Variants in CDH13 observed in about 807,000 individuals in gnomAD.
The protein encoded by CDH13 is cadherin 13.
In CDH13, 24 loss-of-function variants were observed where a neutral mutation model predicts 63.8. That is an observed-to-expected ratio of 0.38 (90% CI 0.27 to 0.53). The LOEUF (loss-of-function observed/expected upper bound fraction) is 0.53, where lower values mean the gene tolerates loss of function less well. CDH13 is among the 20% of genes least tolerant of loss of function. The pLI is 0.85. For missense variants in CDH13, 1,049 were observed against 903.1 expected, an observed-to-expected ratio of 1.16 and a Z score of -2.07; for synonymous variants, 503 against 355.3, an observed-to-expected ratio of 1.42 and a Z score of -4.67.
At chr16:82,665,931 A>G (rs745600342) in intron 1 of CDH13, among the ~76,000 whole-genome samples, 3 of 152,162 alleles carry the variant, frequency 2.0e-5, no homozygotes, top group Non-Finnish European at 4.4e-5. Flanking sequence ...GAAAAGATCA[A>G]AATTCAAAAT....
At chr16:83,709,517 T>C (rs780966828) in intron 10 of CDH13, among the ~76,000 whole-genome samples, 1 of 152,234 alleles carries the variant, frequency 6.6e-6, no homozygotes, top group Non-Finnish European at 1.5e-5. Context: ...AATTGCATCA[T>C]AATCATCCTT....
rs1198915484 is a variant in CDH13, at chr16:83,116,831, A to T, written c.367-8554A>T. Reference sequence around the variant, plus strand: ...CAGGCGAGAGGGGCTCCAGCCAGAGAAATTGACTCCAACTCTCCCTTTCCA... The same window carrying T: ...CAGGCGAGAGGGGCTCCAGCCAGAGTAATTGACTCCAACTCTCCCTTTCCA... On this transcript the variant is annotated intron_variant, in intron 3 of 13. Coordinates refer to ENST00000567109, the MANE Select transcript of CDH13 (RefSeq NM_001257.5). 2.0e-5 allele frequency among the ~76,000 whole-genome samples: 3 copies of T among 152,206 alleles called. No homozygotes were observed. The East Asian group carries it at 5.8e-4, about 29-fold the overall frequency.
At chr16:83,505,680 A>G (rs999114704) in intron 7 of CDH13, among the ~76,000 whole-genome samples, 1 of 151,332 alleles carries the variant, frequency 6.6e-6, no homozygotes, top group Admixed American at 6.6e-5. Flanking sequence ...AGTAGCTGGG[A>G]TTACAGGCAT....
chr16:83,722,306 C>A (rs1468057513), intron 10 of CDH13, among the ~76,000 whole-genome samples: 1 of 152,220 alleles, frequency 6.6e-6, no homozygotes, highest in African/African-American at 2.4e-5. Context: ...GCATGTAGTG[C>A]CAGCTACATA....
At chr16:83,463,435 A>G (rs1372438649) in intron 6 of CDH13, among the ~76,000 whole-genome samples, 1 of 152,184 alleles carries the variant, frequency 6.6e-6, no homozygotes, top group Non-Finnish European at 1.5e-5. Flanking sequence ...CACTTTGCAG[A>G]ACAGCGGCAG....
chr16:83,715,324 C>T (rs1908723234), intron 10 of CDH13, among the ~76,000 whole-genome samples: 1 of 152,180 alleles, frequency 6.6e-6, no homozygotes, highest in East Asian at 1.9e-4. Flanking sequence ...TCATTCACAG[C>T]TGTTTTTCGC....
chr16:82,922,809 A>G (rs2042196851), intron 2 of CDH13, among the ~76,000 whole-genome samples: 1 of 152,210 alleles, frequency 6.6e-6, no homozygotes, highest in African/African-American at 2.4e-5. Context: ...GCCACACTGT[A>G]TAACCTGGGG....
intron 5 of CDH13, among the ~76,000 whole-genome samples, chr16:83,220,196 T>A (rs1413687350): frequency 6.6e-6 from 1 of 152,200 alleles, no homozygotes; most frequent in Non-Finnish European, 1.5e-5. Flanking sequence ...CACTGAAGCT[T>A]CTTACAGTTG....
intron 6 of CDH13, among the ~76,000 whole-genome samples, chr16:83,395,083 G>T (rs369509245): frequency 6.6e-6 from 1 of 151,204 alleles, no homozygotes; most frequent in East Asian, 2.0e-4. Flanking sequence ...AGGAGGCAGA[G>T]GTTGCAGTGA....
intron 7 of CDH13, among the ~76,000 whole-genome samples, chr16:83,560,298 A>G (rs2075681337): frequency 6.6e-6 from 1 of 152,242 alleles, no homozygotes; most frequent in Non-Finnish European, 1.5e-5. Flanking sequence ...TACAAAGATA[A>G]AAGTTGCATT....
intron 2 of CDH13, among the ~76,000 whole-genome samples, chr16:82,871,439 A>G (rs1424913648): frequency 6.6e-6 from 1 of 152,142 alleles, no homozygotes; most frequent in African/African-American, 2.4e-5. Flanking sequence ...GAGCACTTGA[A>G]CATGAAATAA....
chr16:83,351,007 C>G lies in CDH13; in HGVS notation c.781+6001C>G, dbSNP rs146694854. 1.3e-3 allele frequency among the ~76,000 whole-genome samples: 196 copies of G among 152,260 alleles called. 1 individual carries two copies. The highest frequency in any genetic ancestry group is 4.6e-3 in the African/African-American group (190 of 41,546). On this transcript the variant is annotated intron_variant, in intron 6 of 13. Coordinates refer to ENST00000567109, the MANE Select transcript of CDH13 (RefSeq NM_001257.5). ...TGGAAGTTGCTATTTTCCAAAACAG[C>G]TTGAGCTAAATAAAGATGGCTGGGA...
chr16:83,436,503 G>A (rs1181515108), intron 6 of CDH13, among the ~76,000 whole-genome samples: 1 of 152,002 alleles, frequency 6.6e-6, no homozygotes, highest in African/African-American at 2.4e-5. Flanking sequence ...AATGAATAAT[G>A]ACCCAAGTAC....
chr16:83,225,330 G>A (rs992558523), intron 5 of CDH13, among the ~76,000 whole-genome samples: 2 of 152,198 alleles, frequency 1.3e-5, no homozygotes, highest in Admixed American at 1.3e-4. Context: ...TGGTGCTCCG[G>A]TGTGCCATTT....
chr16:83,074,381 C>G (rs1012086846), intron 3 of CDH13, among the ~76,000 whole-genome samples: 3 of 152,028 alleles, frequency 2.0e-5, no homozygotes, highest in Non-Finnish European at 4.4e-5. Flanking sequence ...TTTTTTAATC[C>G]GTTATCCATT....
rs1366707145 is a variant in CDH13, at chr16:82,799,007, A to G, written c.46-59355A>G. On this transcript the variant is annotated intron_variant, in intron 1 of 13. Transcript: ENST00000567109. ...GGTAGGATTCCAACCTGGGCAGTCT[A>G]TCACCAGAGTCCTTGTTTAATCACT... 3.9e-5 allele frequency among the ~76,000 whole-genome samples: 6 copies of G among 152,162 alleles called. No individual in the cohort carries two copies. In the East Asian group the frequency reaches 5.8e-4, roughly 15 times the overall value.
At chr16:83,781,944 G>GA (rs200511522) in intron 12 of CDH13, among the ~76,000 whole-genome samples, 38 of 142,266 alleles carry the variant, frequency 2.7e-4, no homozygotes, top group East Asian at 8.1e-4. Flanking sequence ...AAAAAAAGAA[G>GA]AAAAAAAAAA....
intron 2 of CDH13, 55 bp from the exon 3 acceptor site, chr16:83,031,955 G>A (rs967913119): frequency 3.6e-6 from 5 of 1,374,206 alleles, no homozygotes; most frequent in African/African-American, 1.4e-5. Context: ...AGATATCTCA[G>A]AGATAAGCTG....
intron 1 of CDH13, among the ~76,000 whole-genome samples, chr16:82,746,655 CAAGT>C (rs1268651192): frequency 2.0e-4 from 30 of 151,992 alleles, no homozygotes; most frequent in Non-Finnish European, 3.7e-4. Context: ...ATTTTCTTCT[CAAGT>C]AAGTGGTTTA....
Sources: allele counts gnomAD v4.1 joint callset (sites outside exome capture counted in the v4.1 genomes callset), GRCh38; gene constraint gnomAD v4.1.1; transcripts MANE v1.5; gene names NCBI Gene and HGNC (gene_info 2026-07-23, HGNC 2026-07-21).